PCDHGA2: variants seen among roughly 807,000 people sequenced by gnomAD.
PCDHGA2 encodes the protein protocadherin gamma-A2.
In PCDHGA2, 40 loss-of-function variants were observed where a neutral mutation model predicts 59.2. That is an observed-to-expected ratio of 0.68 (90% CI 0.52 to 0.88). The LOEUF (loss-of-function observed/expected upper bound fraction) is 0.88. PCDHGA2 is among the 40% of genes least tolerant of loss of function. The probability of loss-of-function intolerance (pLI) is 0.00; values close to 1 mark genes in which losing one functional copy is unlikely to be tolerated. For missense variants in PCDHGA2, 1,226 were observed against 1,204.0 expected (o/e 1.02, Z -0.27); for synonymous variants, 560 against 526.0 (o/e 1.06, Z -0.89).
intron 1 of PCDHGA2, chr5:141,422,528 C>T: frequency 5.0e-6 from 8 of 1,614,018 alleles, no homozygotes; most frequent in Non-Finnish European, 5.1e-6. Flanking sequence ...CCGCCTTTGT[C>T]TGCAGAAACT....
intron 1 of PCDHGA2, chr5:141,344,146 A>C: frequency 2.5e-6 from 4 of 1,614,008 alleles, no homozygotes; most frequent in Non-Finnish European, 3.4e-6. Context: ...GTGTCTGAGG[A>C]GCTAGATAAA....
rs1315555686 is a variant in PCDHGA2, at chr5:141,339,214, C to A, written c.243C>A (p.Ser81Arg). 6.2e-7 allele frequency: 1 copy of A among 1,614,066 alleles called. No individual in the cohort carries two copies. The change falls in exon 1 of 4, where the codon AGC (serine) becomes AGA (arginine). Residue 81 changes from serine (S) to arginine (R), a missense_variant. By Grantham distance (110) the Ser-to-Arg change is moderately radical. Transcript: ENST00000394576. ...RSQLFALNPR[S>R]GSLVTANRID... ...AGCTCTTTGCTCTGAACCCGCGAAG[C>A]GGCAGCTTGGTCACTGCGAACAGGA...
At position 141,416,083 on chromosome 5, in the gene PCDHGA2, A is replaced by T. The variant is rs183563665; in HGVS notation, c.2424+74688A>T. The T allele has an allele frequency of 1.6e-4, 27 of 167,232 alleles. 1 individual carries two copies. The East Asian group carries it at 3.9e-3, about 24-fold the overall frequency. The allele number at this position is 167,232 out of a possible 1,614,324, so 10.4% of individuals were successfully genotyped here. A position where few individuals can be genotyped will look rare whatever the true frequency, so the allele number is the denominator to read the frequency against. On this transcript the variant is annotated intron_variant, in intron 1 of 3. Transcript: ENST00000394576. Reference sequence around the variant, plus strand: ...AGAATACTCAATGCAGTTCTTCCCAAGGAGAAGGGCAATAGGCCTTTTTCA... The same window carrying T: ...AGAATACTCAATGCAGTTCTTCCCATGGAGAAGGGCAATAGGCCTTTTTCA...
intron 1 of PCDHGA2, chr5:141,375,405 A>G (rs1472795802): frequency 6.2e-7 from 1 of 1,613,932 alleles, no homozygotes; most frequent in South Asian, 1.1e-5. Context: ...ATCTCTCTAA[A>G]TGTGGCAGAC....
intron 1 of PCDHGA2, chr5:141,441,665 A>G (rs994092543): frequency 2.3e-5 from 6 of 265,720 alleles, no homozygotes; most frequent in Non-Finnish European, 3.7e-5. Context: ...CCTTGAGCGC[A>G]CAGTGCGCCT....
intron 1 of PCDHGA2, among the ~76,000 whole-genome samples, chr5:141,454,918 C>T (rs1474616925): frequency 6.7e-6 from 1 of 149,344 alleles, no homozygotes; most frequent in Non-Finnish European, 1.5e-5. Context: ...CGCCATTCTC[C>T]TGCCTCAGCC....
intron 1 of PCDHGA2, among the ~76,000 whole-genome samples, chr5:141,436,150 T>A (rs1270913305): frequency 6.6e-6 from 1 of 152,182 alleles, no homozygotes; most frequent in African/African-American, 2.4e-5. Flanking sequence ...ACTACCAAAA[T>A]GTTTATCATA....
chr5:141,412,847 A>G (rs1206334568), intron 1 of PCDHGA2: 1 of 213,282 alleles, frequency 4.7e-6, no homozygotes, highest in Non-Finnish European at 9.1e-6. Flanking sequence ...AGGAGTGGAG[A>G]AACCAAAGAA....
rs1275819200 is a variant in PCDHGA2, at chr5:141,491,620, A to G, written c.2425-3187A>G. 5 of 1,613,788 alleles carry G rather than the reference A, an allele frequency of 3.1e-6. No individual in the cohort carries two copies. Among genetic ancestry groups the G allele is most frequent in the Non-Finnish European group, 4.2e-6 (5 of 1,180,014 alleles). On this transcript the variant is annotated intron_variant, in intron 1 of 3. Coordinates refer to ENST00000394576, the MANE Select transcript of PCDHGA2 (RefSeq NM_018915.4). The surrounding 1 kb of genome is among the most constrained non-coding windows in gnomAD (Gnocchi z 6.9). ...TGACTTCACTTTTCTAAGACCCCTC[A>G]GCGTTCAGCAGCCCACAGCTCTGGC...
At position 141,511,399 on chromosome 5, in the gene PCDHGA2, A is replaced by C; in HGVS notation, c.*226A>C. 1.0e-6 allele frequency: 1 copy of C among 987,714 alleles called. No homozygotes were observed. The highest frequency in any genetic ancestry group is 1.4e-6 in the Non-Finnish European group (1 of 693,342). The allele number at this position is 987,714 out of a possible 1,614,324, so 61.2% of individuals were successfully genotyped here. ...CAGTTCCGCTGGGAACCCCCATCCA[A>C]TCAACTGCTGTACCCATGGGGGTAG... On this transcript the variant is annotated 3_prime_UTR_variant, in exon 4 of 4. Transcript: ENST00000394576.
chr5:141,363,442 C>G (rs1298018028), intron 1 of PCDHGA2, among the ~76,000 whole-genome samples: 1 of 152,178 alleles, frequency 6.6e-6, no homozygotes, highest in African/African-American at 2.4e-5. Flanking sequence ...AAAGGTCACT[C>G]AGTACTTCTC....
At chr5:141,488,217 A>G (rs537136341) in intron 1 of PCDHGA2, among the ~76,000 whole-genome samples, 2 of 152,274 alleles carry the variant, frequency 1.3e-5, no homozygotes, top group East Asian at 1.9e-4. Flanking sequence ...TCAAGTCCCT[A>G]CTGGGGATTT....
chr5:141,418,434 C>T, intron 1 of PCDHGA2: 5 of 1,613,944 alleles, frequency 3.1e-6, no homozygotes, highest in Non-Finnish European at 4.2e-6. Context: ...GGCAAATATC[C>T]AGAATTAGTA....
intron 1 of PCDHGA2, chr5:141,393,188 T>C: frequency 6.2e-7 from 1 of 1,613,358 alleles, no homozygotes; most frequent in South Asian, 1.1e-5. Context: ...AAATAATTGA[T>C]ATTAACGATA....
Position 141,431,919 on chromosome 5 carries a change from A to C in PCDHGA2, c.2425-62888A>C, listed in dbSNP as rs2097428718. The C allele has an allele frequency of 7.4e-6, 12 of 1,614,040 alleles. No individual in the cohort carries two copies. Among genetic ancestry groups the C allele is most frequent in the Non-Finnish European group, 1.0e-5 (12 of 1,179,980 alleles). On this transcript the variant is annotated intron_variant, in intron 1 of 3. Transcript: ENST00000394576. This position sits in a 1 kb window ranked among gnomAD's most constrained non-coding sequence, Gnocchi z 4.8. ...AACGGACAGGTGATCTGTTTCATCC[A>C]AGGAAATCTGCCCTTTAAATTAGAA... is the stretch of plus-strand genomic sequence containing the variant.
intron 1 of PCDHGA2, chr5:141,374,346 G>A: frequency 1.2e-6 from 2 of 1,614,048 alleles, no homozygotes; most frequent in South Asian, 2.2e-5. Flanking sequence ...GTCACCGCGG[G>A]TAGGATAGAC....
rs913767837 is a variant in PCDHGA2, at chr5:141,491,909, C to T, written c.2425-2898C>T. 8.5e-6 allele frequency: 12 copies of T among 1,403,834 alleles called. No individual in the cohort carries two copies. Among genetic ancestry groups the T allele is most frequent in the Non-Finnish European group, 1.1e-5 (12 of 1,057,326 alleles). 87.0% of individuals were successfully genotyped at this position (1,403,834 alleles called of 1,614,324 possible). A position where few individuals can be genotyped will look rare whatever the true frequency, so the allele number is the denominator to read the frequency against. Reference sequence around the variant, plus strand: ...GGGCTCCGAGCACCGGGGGTGGTGGCGACTGTGGGCGAGGGGAGGTGGGAC... The same window carrying T: ...GGGCTCCGAGCACCGGGGGTGGTGGTGACTGTGGGCGAGGGGAGGTGGGAC... On this transcript the variant is annotated intron_variant, in intron 1 of 3. Transcript: ENST00000394576. The surrounding 1 kb of genome is among the most constrained non-coding windows in gnomAD (Gnocchi z 6.9).
intron 1 of PCDHGA2, chr5:141,376,510 G>A: frequency 6.2e-7 from 1 of 1,614,028 alleles, no homozygotes; most frequent in Non-Finnish European, 8.5e-7. Flanking sequence ...AACTTCAGGT[G>A]AGTTTCTTTC....
At chr5:141,351,692 G>A in intron 1 of PCDHGA2, 1 of 1,613,988 alleles carries the variant, frequency 6.2e-7, no homozygotes, top group South Asian at 1.1e-5. Flanking sequence ...CCCGGATTTG[G>A]GACCCAACGG....
Sources: gnomAD v4.1 joint callset for allele counts (sites outside exome capture counted in the v4.1 genomes callset) on GRCh38, gnomAD v4.1.1 for gene constraint, Gnocchi (gnomAD v3.1) non-coding constraint, MANE v1.5 for transcripts, NCBI Gene and HGNC (gene_info 2026-07-23, HGNC 2026-07-21) for gene names.